The following LMBRD1 variants were observed in gnomAD, a reference collection of about 807,000 sequenced individuals.
The protein encoded by LMBRD1 is LMBR1 domain containing 1, also known as lysosomal cobalamin transport escort protein LMBD1.
In LMBRD1, 64 loss-of-function variants were observed where a neutral mutation model predicts 74.8. The ratio of observed to expected loss-of-function variants is 0.86; its 90% CI spans 0.70 to 1.05. The LOEUF is 1.05. Among genes scored for constraint, LMBRD1 ranks in the 50% least tolerant of loss-of-function variants. LMBRD1 has a pLI of 0.00. For missense variants in LMBRD1, 652 were observed against 645.9 expected (o/e 1.01, Z -0.10); for synonymous variants, 204 against 216.3 (o/e 0.94, Z 0.50).
At position 69,685,831 on chromosome 6, in the gene LMBRD1, C is replaced by T. The variant is rs6928782; in HGVS notation, c.1418-9290G>A. On this transcript the variant is annotated intron_variant, in intron 14 of 15. Transcript: ENST00000649934. ...AAACAAACAAACAAAAACACACACACAACTTTGCAATCTCGGTTTCACAAA... is the reference window on the plus strand; with the variant it reads ...AAACAAACAAACAAAAACACACACATAACTTTGCAATCTCGGTTTCACAAA... 7.0e-3 allele frequency among the ~76,000 whole-genome samples: 1,057 copies of T among 152,008 alleles called. 16 individuals carry two copies. The highest frequency in any genetic ancestry group is 0.021 in the African/African-American group (880 of 41,496).
intron 3 of LMBRD1, among the ~76,000 whole-genome samples, chr6:69,775,242 T>C (rs909972600): frequency 2.6e-5 from 4 of 152,060 alleles, no homozygotes; most frequent in African/African-American, 7.2e-5. Context: ...GCTTTGTAAG[T>C]AGCTTCAGTT....
intron 3 of LMBRD1, among the ~76,000 whole-genome samples, chr6:69,757,226 C>T (rs1374054990): frequency 6.6e-6 from 1 of 152,002 alleles, no homozygotes; most frequent in African/African-American, 2.4e-5. Context: ...TATGATTGAA[C>T]ATAAGGAAGT....
chr6:69,718,712 G>A (rs1289448737), intron 8 of LMBRD1, among the ~76,000 whole-genome samples: 1 of 152,182 alleles, frequency 6.6e-6, no homozygotes, highest in African/African-American at 2.4e-5. Context: ...AGAACACCAT[G>A]AGGGTAACTG....
In LMBRD1 at chr6:69,755,004, T is replaced by C. The variant is rs191580051; in HGVS notation, c.308-2648A>G. Among the ~76,000 whole-genome samples the C allele has an allele frequency of 7.9e-5, 12 of 152,290 alleles. No individual in the cohort carries two copies. The East Asian group carries it at 2.3e-3, about 29-fold the overall frequency. ...ATGGGAGTGTAAATTAGTTCAACCA[T>C]TGTGGAAGACAGTGTGGCGATTCCT... On this transcript the variant is annotated intron_variant, in intron 3 of 15. Transcript: ENST00000649934.
At chr6:69,688,154 T>G (rs1204984529) in intron 14 of LMBRD1, among the ~76,000 whole-genome samples, 1 of 152,114 alleles carries the variant, frequency 6.6e-6, no homozygotes, top group Non-Finnish European at 1.5e-5. Context: ...CACTTTTTAT[T>G]TCACCCTTTA....
intron 7 of LMBRD1, among the ~76,000 whole-genome samples, chr6:69,730,879 CA>C (rs1766841710): frequency 6.6e-6 from 1 of 152,010 alleles, no homozygotes; most frequent in Non-Finnish European, 1.5e-5. Context: ...TAGGTATATG[CA>C]AAAGGATTCC....
intron 9 of LMBRD1, among the ~76,000 whole-genome samples, chr6:69,712,248 C>T (rs1336984672): frequency 1.3e-5 from 2 of 152,000 alleles, no homozygotes; most frequent in Non-Finnish European, 2.9e-5. Flanking sequence ...TTAGTCTCAG[C>T]CATATTAAAG....
intron 5 of LMBRD1, among the ~76,000 whole-genome samples, chr6:69,743,684 T>C (rs1993483): frequency 0.37 from 56,103 of 152,088 alleles, 10,823 homozygotes; most frequent in East Asian, 0.54. Flanking sequence ...CAGGATTTTA[T>C]AATCTAAAAA....
chr6:69,771,120 T>C (rs1009108297), intron 3 of LMBRD1, among the ~76,000 whole-genome samples: 1 of 152,196 alleles, frequency 6.6e-6, no homozygotes, highest in African/African-American at 2.4e-5. Flanking sequence ...AAACATTTAC[T>C]GACAGATTCT....
chr6:69,678,715 C>A (rs1455782255), intron 14 of LMBRD1, among the ~76,000 whole-genome samples: 1 of 152,044 alleles, frequency 6.6e-6, no homozygotes, highest in Non-Finnish European at 1.5e-5. Flanking sequence ...ACCTTTAGTT[C>A]TATTTTTCTG....
intron 8 of LMBRD1, among the ~76,000 whole-genome samples, chr6:69,718,721 T>C (rs1766547560): frequency 6.6e-6 from 1 of 152,188 alleles, no homozygotes; most frequent in East Asian, 1.9e-4. Flanking sequence ...TGAGGGTAAC[T>C]GCCCCCATGA....
chr6:69,700,106 T>C (rs1382779845), intron 12 of LMBRD1, among the ~76,000 whole-genome samples: 1 of 151,872 alleles, frequency 6.6e-6, no homozygotes, highest in Non-Finnish European at 1.5e-5. Flanking sequence ...TACAGAGATA[T>C]TGGATCTGAC....
At chr6:69,757,092 G>A (rs565869487) in intron 3 of LMBRD1, among the ~76,000 whole-genome samples, 1 of 152,278 alleles carries the variant, frequency 6.6e-6, no homozygotes, top group Admixed American at 6.5e-5. Flanking sequence ...GGATGGATAA[G>A]CAAACTGAGT....
intron 14 of LMBRD1, among the ~76,000 whole-genome samples, chr6:69,679,257 T>C (rs1021627930): frequency 6.6e-6 from 1 of 152,140 alleles, no homozygotes; most frequent in Non-Finnish European, 1.5e-5. Flanking sequence ...TTAAGCAGCA[T>C]TAGCTGGACA....
chr6:69,702,490 T>C (rs1293140843), intron 9 of LMBRD1, among the ~76,000 whole-genome samples: 4 of 151,782 alleles, frequency 2.6e-5, no homozygotes, highest in Non-Finnish European at 5.9e-5. Flanking sequence ...ACTGAAAAAA[T>C]TGTCAGGTAA....
At chr6:69,686,482 T>A (rs997901047) in intron 14 of LMBRD1, among the ~76,000 whole-genome samples, 1 of 152,202 alleles carries the variant, frequency 6.6e-6, no homozygotes, top group African/African-American at 2.4e-5. Flanking sequence ...AAAAGAAATG[T>A]ATAACCTTAA....
chr6:69,694,989 T>C (rs1765963034), intron 14 of LMBRD1, among the ~76,000 whole-genome samples: 1 of 152,164 alleles, frequency 6.6e-6, no homozygotes. Context: ...CCAGTTGAGA[T>C]AATTATACAG....
intron 14 of LMBRD1, among the ~76,000 whole-genome samples, chr6:69,676,935 G>C (rs978941707): frequency 2.0e-5 from 3 of 152,020 alleles, no homozygotes; most frequent in Non-Finnish European, 2.9e-5. Flanking sequence ...AATCAGATGT[G>C]GTCAGTATTA....
In LMBRD1 at chr6:69,796,898, G is replaced by A; in HGVS notation, c.-17C>T. The A allele has an allele frequency of 6.3e-7, 1 of 1,594,468 alleles. No individual in the cohort carries two copies. Among genetic ancestry groups the A allele is most frequent in the Non-Finnish European group, 8.6e-7 (1 of 1,169,084 alleles). On this transcript the variant is annotated 5_prime_UTR_variant, in exon 1 of 16. Transcript: ENST00000649934. ...AGTCGCCATCTTCGCTTCCGGTCCA[G>A]ACCAACCTGAGCGCCCGGGGTGGGG...
Sources: gnomAD v4.1 joint callset for allele counts (sites outside exome capture counted in the v4.1 genomes callset) on GRCh38, gnomAD v4.1.1 for gene constraint, MANE v1.5 for transcripts, NCBI Gene and HGNC (gene_info 2026-07-23, HGNC 2026-07-21) for gene names.